ESRRG: variants seen among roughly 807,000 people sequenced by gnomAD.
The protein encoded by ESRRG is estrogen related receptor gamma.
A neutral mutation model predicts 44.0 loss-of-function variants in ESRRG; 13 were observed. The ratio of observed to expected loss-of-function variants is 0.30; its 90% confidence interval spans 0.19 to 0.47. The LOEUF (loss-of-function observed/expected upper bound fraction) is 0.47, where lower values mean the gene tolerates loss of function less well. Among genes scored for constraint, ESRRG ranks in the 20% least tolerant of loss-of-function variants. ESRRG has a pLI of 1.00. For synonymous variants in ESRRG, 215 were observed against 214.6 expected, an observed-to-expected ratio of 1.00 and a Z score of -0.02; for missense variants, 395 against 580.6, an observed-to-expected ratio of 0.68 and a Z score of 3.29.
At chr1:216,627,260 A>AT (rs2063336444) in intron 3 of ESRRG, among the ~76,000 whole-genome samples, 1 of 152,190 alleles carries the variant, frequency 6.6e-6, no homozygotes, top group African/African-American at 2.4e-5. Context: ...CATAGGTGCC[A>AT]TTTTTTAAAA....
intron 3 of ESRRG, among the ~76,000 whole-genome samples, chr1:216,570,328 A>G (rs542064699): frequency 8.7e-4 from 133 of 152,322 alleles, no homozygotes; most frequent in Admixed American, 1.6e-3. Context: ...CAAAGAAGTT[A>G]TATTTCTTTA....
At chr1:217,107,606 T>A (rs1002727487) in intron 1 of ESRRG, among the ~76,000 whole-genome samples, 4 of 152,206 alleles carry the variant, frequency 2.6e-5, no homozygotes, top group Non-Finnish European at 5.9e-5. Context: ...TTGTGGGTAG[T>A]TGGGACTGAA....
chr1:216,755,738 T>C (rs748013876), intron 2 of ESRRG, among the ~76,000 whole-genome samples: 4 of 152,028 alleles, frequency 2.6e-5, no homozygotes, highest in Non-Finnish European at 5.9e-5. Context: ...TCCTTTAGTG[T>C]AGACCATCAG....
intron 2 of ESRRG, among the ~76,000 whole-genome samples, chr1:216,787,566 C>A (rs1266598093): frequency 7.2e-6 from 1 of 139,812 alleles, no homozygotes; most frequent in African/African-American, 2.7e-5. Context: ...GATACTACTG[C>A]ACTCCAGCCT....
chr1:217,079,971 T>A (rs745845917), intron 1 of ESRRG, among the ~76,000 whole-genome samples: 1 of 152,188 alleles, frequency 6.6e-6, no homozygotes, highest in Non-Finnish European at 1.5e-5. Context: ...ACACCCAGTT[T>A]ACTAATGGGA....
intron 1 of ESRRG, among the ~76,000 whole-genome samples, chr1:217,037,335 T>A (rs1014014433): frequency 6.6e-6 from 1 of 152,200 alleles, no homozygotes; most frequent in African/African-American, 2.4e-5. Flanking sequence ...GACTTACAGT[T>A]CCACATGGCA....
At chr1:216,863,122 T>C (rs954028143) in intron 2 of ESRRG, 2 of 152,134 alleles carry the variant, frequency 1.3e-5, no homozygotes, top group African/African-American at 4.8e-5. Flanking sequence ...TGTAAAAGCA[T>C]AGATTGTTGG....
At chr1:217,028,941 A>G (rs1213693893) in intron 1 of ESRRG, among the ~76,000 whole-genome samples, 2 of 152,332 alleles carry the variant, frequency 1.3e-5, no homozygotes, top group East Asian at 1.9e-4. Flanking sequence ...ACCAAAAGCT[A>G]TGTTAGCCAT....
At chr1:216,773,616 A>G (rs1378825332) in intron 2 of ESRRG, among the ~76,000 whole-genome samples, 3 of 152,182 alleles carry the variant, frequency 2.0e-5, no homozygotes, top group Non-Finnish European at 4.4e-5. Context: ...ATAGAAAAAC[A>G]TTTACAAATC....
intron 2 of ESRRG, among the ~76,000 whole-genome samples, chr1:216,675,303 T>C (rs2075898978): frequency 6.6e-6 from 1 of 151,230 alleles, no homozygotes. Context: ...TAGGTTGCAG[T>C]GAGCCGAGAT....
At chr1:217,000,958 T>C (rs576483819) in intron 1 of ESRRG, among the ~76,000 whole-genome samples, 15 of 152,370 alleles carry the variant, frequency 9.8e-5, no homozygotes, top group Non-Finnish European at 1.5e-5. Context: ...CATGCTGTCA[T>C]GTAGGATGGT....
At chr1:216,877,084 C>G (rs1052584805) in intron 2 of ESRRG, among the ~76,000 whole-genome samples, 1 of 150,460 alleles carries the variant, frequency 6.6e-6, no homozygotes, top group African/African-American at 2.4e-5. Context: ...CTAATGAAAA[C>G]CTTAGTCTAG....
At chr1:216,790,151 A>G (rs559476731) in intron 2 of ESRRG, among the ~76,000 whole-genome samples, 2 of 152,288 alleles carry the variant, frequency 1.3e-5, no homozygotes, top group African/African-American at 2.4e-5. Context: ...ACTGTGAGGA[A>G]CAGAGCTGCC....
chr1:216,597,440 A>T (rs1304876616), intron 3 of ESRRG, among the ~76,000 whole-genome samples: 3 of 152,224 alleles, frequency 2.0e-5, no homozygotes, highest in South Asian at 2.1e-4. Flanking sequence ...AGATGGAAGG[A>T]TATTTCAGTC....
chr1:216,893,744 A>G (rs1403106726), intron 2 of ESRRG, among the ~76,000 whole-genome samples: 4 of 151,854 alleles, frequency 2.6e-5, no homozygotes, highest in Admixed American at 2.6e-4. Flanking sequence ...CATACTAAAA[A>G]GCTTATTGGA....
intron 1 of ESRRG, among the ~76,000 whole-genome samples, chr1:217,031,145 T>G (rs2151020874): frequency 6.6e-6 from 1 of 152,302 alleles, no homozygotes; most frequent in South Asian, 2.1e-4. Flanking sequence ...TAAGAGTTAT[T>G]TTAAAAAAAA....
chr1:216,768,691 C>T (rs572872683), intron 2 of ESRRG, among the ~76,000 whole-genome samples: 5 of 152,234 alleles, frequency 3.3e-5, no homozygotes, highest in East Asian at 1.9e-4. Flanking sequence ...GGATCTAGCT[C>T]TGTTGCTCAA....
At chr1:216,930,115 C>A (rs577902739) in intron 2 of ESRRG, among the ~76,000 whole-genome samples, 1 of 152,150 alleles carries the variant, frequency 6.6e-6, no homozygotes, top group African/African-American at 2.4e-5. Context: ...TGACTCACAT[C>A]CCCTTTGAAG....
chr1:216,895,456 T>C (rs1345550405), intron 2 of ESRRG, among the ~76,000 whole-genome samples: 1 of 152,136 alleles, frequency 6.6e-6, no homozygotes, highest in East Asian at 1.9e-4. Context: ...ATCAGGATGG[T>C]GGAAAAACAG....
Sources: gnomAD v4.1 joint callset for allele counts (sites outside exome capture counted in the v4.1 genomes callset) on GRCh38, gnomAD v4.1.1 for gene constraint, MANE v1.5 for transcripts, NCBI Gene and HGNC (gene_info 2026-07-23, HGNC 2026-07-21) for gene names.